AAMDC: variants seen among roughly 807,000 people sequenced by gnomAD.
AAMDC encodes the protein adipogenesis associated Mth938 domain containing.
AAMDC carries 16 observed loss-of-function variants against 15.5 expected under a neutral mutation model. The ratio of observed to expected loss-of-function variants is 1.03; its 90% confidence interval spans 0.70 to 1.57. The LOEUF (loss-of-function observed/expected upper bound fraction) is 1.57, where lower values mean the gene tolerates loss of function less well. Ranked by LOEUF, AAMDC falls within the 40% of genes most tolerant of loss-of-function variation. AAMDC has a pLI of 0.00. For synonymous variants in AAMDC, 51 were observed against 51.6 expected (o/e 0.99, Z 0.05); for missense variants, 141 against 144.9 (o/e 0.97, Z 0.14).
At chr11:77,888,735 A>G (rs1344059809) in intron 5 of AAMDC, among the ~76,000 whole-genome samples, 1 of 152,162 alleles carries the variant, frequency 6.6e-6, no homozygotes, top group African/African-American at 2.4e-5. Flanking sequence ...CAAGAAAAAA[A>G]CAAACAACCC....
intron 1 of AAMDC, chr11:77,831,862 A>AT (rs767406733): frequency 0.028 from 2,261 of 80,816 alleles, 110 homozygotes; most frequent in African/African-American, 0.067. Flanking sequence ...TGCCTGGCTA[A>AT]TTTTTTTTTT....
At chr11:77,899,500 G>A (rs181447086) in intron 5 of AAMDC, among the ~76,000 whole-genome samples, 2,681 of 151,822 alleles carry the variant, frequency 0.018, 90 homozygotes, top group African/African-American at 0.061. Context: ...GGTGAAACCC[G>A]TCTCTACTGA....
At chr11:77,882,891 C>T (rs951720567) in intron 5 of AAMDC, among the ~76,000 whole-genome samples, 1 of 152,022 alleles carries the variant, frequency 6.6e-6, no homozygotes, top group African/African-American at 2.4e-5. Flanking sequence ...GCCAACATGA[C>T]GAAACCCTGT....
chr11:77,850,003 T>C (rs1950306701), intron 2 of AAMDC, among the ~76,000 whole-genome samples: 1 of 152,224 alleles, frequency 6.6e-6, no homozygotes, highest in African/African-American at 2.4e-5. Flanking sequence ...GTAAACTCCC[T>C]AAGGTTAGCA....
At chr11:77,867,387 G>GT (rs1221406851) in intron 2 of AAMDC, among the ~76,000 whole-genome samples, 1 of 152,100 alleles carries the variant, frequency 6.6e-6, no homozygotes, top group African/African-American at 2.4e-5. Flanking sequence ...TCCCACTTGG[G>GT]TTTATTCACT....
At chr11:77,899,066 C>A (rs1251524758) in intron 5 of AAMDC, among the ~76,000 whole-genome samples, 1 of 152,044 alleles carries the variant, frequency 6.6e-6, no homozygotes, top group Non-Finnish European at 1.5e-5. Context: ...TATAATAATT[C>A]AATAACCCTT....
chr11:77,894,925 A>AT, intron 5 of AAMDC, among the ~76,000 whole-genome samples: 1 of 152,238 alleles, frequency 6.6e-6, no homozygotes. Context: ...CTCAGAGATC[A>AT]TTTTTTCCAT....
intron 5 of AAMDC, chr11:77,879,220 G>C: frequency 7.2e-7 from 1 of 1,384,950 alleles, no homozygotes; most frequent in Non-Finnish European, 9.9e-7. Flanking sequence ...AATGGAAGCA[G>C]TAGGGAGAAA....
chr11:77,886,751 C>T (rs190475769), intron 5 of AAMDC, among the ~76,000 whole-genome samples: 2 of 144,334 alleles, frequency 1.4e-5, no homozygotes, highest in African/African-American at 5.1e-5. Flanking sequence ...GGGAGGCGCC[C>T]GGCGAGGGGG....
chr11:77,831,277 G>T (rs1294592648), intron 1 of AAMDC, among the ~76,000 whole-genome samples: 4 of 152,204 alleles, frequency 2.6e-5, no homozygotes, highest in African/African-American at 9.6e-5. Context: ...GATCTGCTAT[G>T]TAACAGTCTG....
intron 1 of AAMDC, among the ~76,000 whole-genome samples, chr11:77,838,074 T>C (rs1321360159): frequency 6.6e-6 from 1 of 152,126 alleles, no homozygotes; most frequent in African/African-American, 2.4e-5. Context: ...CACTGTCTCT[T>C]TGATATTAAT....
At chr11:77,881,541 C>T (rs137866533) in intron 5 of AAMDC, among the ~76,000 whole-genome samples, 1 of 152,294 alleles carries the variant, frequency 6.6e-6, no homozygotes, top group African/African-American at 2.4e-5. Context: ...GGTATGTGGG[C>T]CTCCATTTAT....
At chr11:77,826,267 C>T (rs1949167972) in intron 1 of AAMDC, among the ~76,000 whole-genome samples, 2 of 151,570 alleles carry the variant, frequency 1.3e-5, no homozygotes, top group Non-Finnish European at 2.9e-5. Flanking sequence ...GAGGCTGAGG[C>T]AGGAGAATCA....
At chr11:77,829,124 A>G (rs1315156983) in intron 1 of AAMDC, among the ~76,000 whole-genome samples, 5 of 152,210 alleles carry the variant, frequency 3.3e-5, no homozygotes, top group African/African-American at 9.7e-5. Context: ...AAGTTAAACA[A>G]TGTCATGAGG....
intron 2 of AAMDC, among the ~76,000 whole-genome samples, chr11:77,845,155 G>A (rs1449685071): frequency 6.6e-6 from 1 of 151,984 alleles, no homozygotes; most frequent in Non-Finnish European, 1.5e-5. Context: ...CAAATTTGGG[G>A]AAGTTTAGAG....
At chr11:77,835,745 C>T (rs1949653844) in intron 1 of AAMDC, among the ~76,000 whole-genome samples, 1 of 151,466 alleles carries the variant, frequency 6.6e-6, no homozygotes, top group African/African-American at 2.4e-5. Context: ...ATGGCGAAAC[C>T]CTGTCTCTAC....
chr11:77,854,099 T>C (rs1197621035), intron 2 of AAMDC, among the ~76,000 whole-genome samples: 1 of 150,464 alleles, frequency 6.6e-6, no homozygotes, highest in Admixed American at 6.6e-5. Flanking sequence ...CACACCATTC[T>C]CCTGCCTCAG....
chr11:77,829,580 CT>C (rs1436776756), intron 1 of AAMDC: 5 of 152,182 alleles, frequency 3.3e-5, no homozygotes, highest in Admixed American at 2.6e-4. Context: ...AGTTGAACCC[CT>C]AATTCATTCC....
intron 1 of AAMDC, among the ~76,000 whole-genome samples, chr11:77,838,438 T>C (rs1332869392): frequency 6.6e-6 from 1 of 152,114 alleles, no homozygotes; most frequent in African/African-American, 2.4e-5. Context: ...GAAGAAGAAA[T>C]ACTGCCTCAG....
Sources: allele counts gnomAD v4.1 joint callset (sites outside exome capture counted in the v4.1 genomes callset), GRCh38; gene constraint gnomAD v4.1.1; transcripts MANE v1.5; gene names NCBI Gene and HGNC (gene_info 2026-07-23, HGNC 2026-07-21).